Variants in SPRYD7 observed in about 807,000 individuals in gnomAD.
SPRYD7 encodes SPRY domain-containing protein 7.
SPRYD7 carries 14 observed loss-of-function variants against 23.8 expected under a neutral mutation model. That is an observed-to-expected ratio of 0.59 (90% CI 0.39 to 0.92). The LOEUF (loss-of-function observed/expected upper bound fraction) is 0.92. Ranked by LOEUF, SPRYD7 falls within the 40% of genes least tolerant of loss-of-function variation. SPRYD7 has a pLI of 0.00. For missense variants in SPRYD7, 194 were observed against 241.7 expected (o/e 0.80, Z 1.31); for synonymous variants, 75 against 84.9 (o/e 0.88, Z 0.64).
intron 4 of SPRYD7, among the ~76,000 whole-genome samples, chr13:49,917,727 G>A (rs1285078688): frequency 6.6e-6 from 1 of 152,152 alleles, no homozygotes; most frequent in African/African-American, 2.4e-5. Flanking sequence ...TTGTATAACT[G>A]TCACTCTACT....
At chr13:49,923,706 G>A (rs139178310) in intron 3 of SPRYD7, among the ~76,000 whole-genome samples, 5 of 152,028 alleles carry the variant, frequency 3.3e-5, no homozygotes, top group Non-Finnish European at 5.9e-5. Context: ...AGGCTGGAGC[G>A]CAGTGGCGCG....
chr13:49,934,557 A>G (rs1371646861), intron 1 of SPRYD7, among the ~76,000 whole-genome samples: 1 of 140,062 alleles, frequency 7.1e-6, no homozygotes, highest in Admixed American at 7.1e-5. Flanking sequence ...CTCCGTCTCA[A>G]AAAAAAAAAA....
chr13:49,931,209 T>A (rs1955944323), intron 1 of SPRYD7, 75 bp from the exon 2 acceptor site: 1 of 961,640 alleles, frequency 1.0e-6, no homozygotes, highest in South Asian at 1.5e-5. Context: ...AGACGGAGTC[T>A]TGCTCTGTCA....
In SPRYD7 at chr13:49,924,429, C is replaced by A. The variant is rs142147406; in HGVS notation, c.391-2849G>T. On this transcript the variant is annotated intron_variant, in intron 3 of 4. Transcript: ENST00000361840. ...TAGCTAGAACTACAGGGGCATGCCA[C>A]TATGCCCGGCTAATTTTCTTTTTAA... Among the ~76,000 whole-genome samples the A allele has an allele frequency of 3.3e-3, 504 of 152,224 alleles. 5 individuals are homozygous for A. Among genetic ancestry groups the A allele is most frequent in the African/African-American group, 0.012 (494 of 41,544 alleles).
intron 4 of SPRYD7, among the ~76,000 whole-genome samples, chr13:49,916,605 TAAA>T (rs113644915): frequency 7.2e-6 from 1 of 139,826 alleles, no homozygotes; most frequent in Non-Finnish European, 1.6e-5. Flanking sequence ...ACCTAAATGT[TAAA>T]AAAAAAAAAG....
At chr13:49,933,476 C>A (rs2138242926) in intron 1 of SPRYD7, among the ~76,000 whole-genome samples, 1 of 152,026 alleles carries the variant, frequency 6.6e-6, no homozygotes, top group Middle Eastern at 3.4e-3. Context: ...GTGGTGGGCG[C>A]CTATAGTCCC....
In SPRYD7 at chr13:49,914,165, A is replaced by C. The variant is rs1234586407; in HGVS notation, c.*898T>G. 6.5e-6 allele frequency: 1 copy of C among 153,812 alleles called. No homozygotes were observed. Among genetic ancestry groups the C allele is most frequent in the Non-Finnish European group, 1.5e-5 (1 of 68,050 alleles). 9.5% of individuals were successfully genotyped at this position (153,812 alleles called of 1,614,324 possible). On this transcript the variant is annotated 3_prime_UTR_variant, in exon 5 of 5. Coordinates refer to ENST00000361840, the MANE Select transcript of SPRYD7 (RefSeq NM_020456.4). ...ATTCTTAAGAACCAGGCAAAGACTC[A>C]GGGTCATGAAGAGGATTCACTTATC... is the stretch of plus-strand genomic sequence containing the variant.
intron 2 of SPRYD7, among the ~76,000 whole-genome samples, chr13:49,929,492 T>C (rs2138235455): frequency 6.6e-6 from 1 of 152,250 alleles, no homozygotes; most frequent in Middle Eastern, 3.4e-3. Flanking sequence ...TGTTTTGTTT[T>C]TGTTTTTGTA....
At chr13:49,922,316 G>A (rs1005538688) in intron 3 of SPRYD7, among the ~76,000 whole-genome samples, 1 of 148,382 alleles carries the variant, frequency 6.7e-6, no homozygotes, top group African/African-American at 2.5e-5. Context: ...ATATTTATTT[G>A]TATAAATATA....
At chr13:49,935,471 G>C (rs998450629) in intron 1 of SPRYD7, 6 of 152,220 alleles carry the variant, frequency 3.9e-5, no homozygotes, top group African/African-American at 1.4e-4. Context: ...AAAGGATAAA[G>C]CAAGATGCAA....
intron 4 of SPRYD7, among the ~76,000 whole-genome samples, chr13:49,915,954 A>C (rs1219783127): frequency 6.6e-6 from 1 of 152,222 alleles, no homozygotes; most frequent in Non-Finnish European, 1.5e-5. Flanking sequence ...AGAAAAGACC[A>C]TATGATTTTG....
chr13:49,924,833 G>A (rs1014990853), intron 3 of SPRYD7, among the ~76,000 whole-genome samples: 37 of 151,300 alleles, frequency 2.4e-4, no homozygotes, highest in African/African-American at 8.0e-4. Context: ...AAAATTAGCT[G>A]GGAATGGTGG....
chr13:49,921,675 G>A (rs1955822992), intron 3 of SPRYD7, 95 bp from the exon 4 acceptor site: 1 of 730,648 alleles, frequency 1.4e-6, no homozygotes, highest in Non-Finnish European at 2.4e-6. Flanking sequence ...AGCATAGGCT[G>A]ACAACAATTT....
At chr13:49,916,647 A>T (rs573482478) in intron 4 of SPRYD7, among the ~76,000 whole-genome samples, 1 of 152,126 alleles carries the variant, frequency 6.6e-6, no homozygotes, top group Non-Finnish European at 1.5e-5. Context: ...TGGCAGATAT[A>T]GGTTATTCTA....
chr13:49,912,754 C>G lies in SPRYD7; in HGVS notation c.*2309G>C, dbSNP rs1955705112. 1 of 152,132 alleles carries G rather than the reference C, an allele frequency of 6.6e-6. No individual in the cohort carries two copies. Among genetic ancestry groups the G allele is most frequent in the Admixed American group, 6.6e-5 (1 of 15,264 alleles). 9.4% of individuals were successfully genotyped at this position (152,132 alleles called of 1,614,324 possible). On this transcript the variant is annotated 3_prime_UTR_variant, in exon 5 of 5. Coordinates refer to ENST00000361840, the MANE Select transcript of SPRYD7 (RefSeq NM_020456.4). ...ATTTGCTTTCCCAAGTAAGCACATT[C>G]TTTACAAATTAAAATTATGATAGAA...
intron 1 of SPRYD7, among the ~76,000 whole-genome samples, chr13:49,931,650 T>C (rs958348255): frequency 6.6e-6 from 1 of 152,238 alleles, no homozygotes; most frequent in African/African-American, 2.4e-5. Flanking sequence ...TTTGTATGTA[T>C]AAGTTTTAAT....
At position 49,930,877 on chromosome 13, in the gene SPRYD7, CACA is replaced by C. The variant is rs1179052602; in HGVS notation, c.223+138_223+140del. Reference sequence around the variant, plus strand: ...AAATTAACTAATTTACCCAGGATCACACAACAAGAGGTGGAAGACCCAGATCTT... The same window carrying C: ...AAATTAACTAATTTACCCAGGATCACACAAGAGGTGGAAGACCCAGATCTT... On this transcript the variant is annotated intron_variant, in intron 2 of 4. Coordinates refer to ENST00000361840, the MANE Select transcript of SPRYD7 (RefSeq NM_020456.4). The C allele has an allele frequency of 3.6e-5, 19 of 524,088 alleles. No individual in the cohort carries two copies. In the East Asian group the frequency reaches 6.4e-4, roughly 18 times the overall value. 32.5% of individuals were successfully genotyped at this position (524,088 alleles called of 1,614,324 possible). A position where few individuals can be genotyped will look rare whatever the true frequency, so the allele number is the denominator to read the frequency against.
intron 2 of SPRYD7, among the ~76,000 whole-genome samples, chr13:49,929,704 C>T (rs1268474135): frequency 6.6e-6 from 1 of 151,926 alleles, no homozygotes; most frequent in Non-Finnish European, 1.5e-5. Context: ...ACTATGTTGA[C>T]CAGGCTGGTC....
intron 2 of SPRYD7, among the ~76,000 whole-genome samples, chr13:49,928,735 T>G (rs1271336804): frequency 6.6e-6 from 1 of 152,188 alleles, no homozygotes; most frequent in Non-Finnish European, 1.5e-5. Context: ...AAGCACACAG[T>G]AAGTATTCAG....
Sources: allele counts gnomAD v4.1 joint callset (sites outside exome capture counted in the v4.1 genomes callset), GRCh38; gene constraint gnomAD v4.1.1; transcripts MANE v1.5; gene names NCBI Gene and HGNC (gene_info 2026-07-23, HGNC 2026-07-21).